HPS4: variants seen among roughly 807,000 people sequenced by gnomAD.
HPS4 encodes the protein HPS4 biogenesis of lysosomal organelles complex 3 subunit 2, also known as BLOC-3 complex member HPS4.
A neutral mutation model predicts 70.3 loss-of-function variants in HPS4; 44 were observed. The ratio of observed to expected loss-of-function variants is 0.63; its 90% CI spans 0.49 to 0.80. The LOEUF is 0.80. Ranked by LOEUF, HPS4 falls within the 30% of genes least tolerant of loss-of-function variation. The pLI, the probability that HPS4 is intolerant of heterozygous loss-of-function variation, is 0.00. For missense variants in HPS4, 873 were observed against 884.4 expected (o/e 0.99, Z 0.16); for synonymous variants, 377 against 355.9 (o/e 1.06, Z -0.67).
chr22:26,445,474 T>C (rs1056124704), intron 3 of HPS4, among the ~76,000 whole-genome samples: 1 of 152,014 alleles, frequency 6.6e-6, no homozygotes, highest in African/African-American at 2.4e-5. Flanking sequence ...ATGGGACTAG[T>C]GGGGTGGGGA....
In HPS4 at chr22:26,453,370, G is replaced by A. The variant is rs1423638651; in HGVS notation, c.1990C>T (p.Pro664Ser). 2 of 1,614,148 alleles carry A rather than the reference G, an allele frequency of 1.2e-6. No individual in the cohort carries two copies. Among genetic ancestry groups the A allele is most frequent in the Non-Finnish European group, 8.5e-7 (1 of 1,180,034 alleles). The change falls in exon 14 of 14, where the codon CCC becomes TCC. Residue 664 changes from proline to serine, a missense_variant. Transcript: ENST00000398145. ...TGCTGGAAATATGTCTCCTGGATGG[G>A]GTTGCAACAGGCGTACACAGCCGTG... ...ASTAVYACCN[P>S]IQETYFQQLA...
In HPS4 at chr22:26,452,514, G is replaced by T; in HGVS notation, c.*719C>A. 1 of 359,376 alleles carries T rather than the reference G, an allele frequency of 2.8e-6. No homozygotes were observed. Among genetic ancestry groups the T allele is most frequent in the South Asian group, 2.1e-5 (1 of 47,142 alleles). The allele number at this position is 359,376 out of a possible 1,614,324, so 22.3% of individuals were successfully genotyped here. A position where few individuals can be genotyped will look rare whatever the true frequency, so the allele number is the denominator to read the frequency against. On this transcript the variant is annotated 3_prime_UTR_variant, in exon 14 of 14. Coordinates refer to ENST00000398145, the MANE Select transcript of HPS4 (RefSeq NM_022081.6). ...CTTGTAGTCAAAGGCAGCGCAGGTTGGTCCTGTTGTCACTGAATTCTCAGG... is the reference window on the plus strand; with the variant it reads ...CTTGTAGTCAAAGGCAGCGCAGGTTTGTCCTGTTGTCACTGAATTCTCAGG...
rs931967654 is a variant in HPS4 at position 26,465,211 on chromosome 22, T to G, written c.803+244A>C. ...AAAAAACTGAGGCTCAGGCAGGGAA[T>G]GGACTTGCCCAAGGTCCCATAGCTG... On this transcript the variant is annotated intron_variant, in intron 10 of 13. Transcript: ENST00000398145. 5.3e-5 allele frequency among the ~76,000 whole-genome samples: 8 copies of G among 152,320 alleles called. No homozygotes were observed. The South Asian group carries it at 1.5e-3, about 28-fold the overall frequency.
In HPS4 at chr22:26,452,987, G is replaced by C. The variant is rs908457988; in HGVS notation, c.*246C>G. The stretch of plus-strand genomic sequence containing the variant: ...GCAGAGAGGGAGCCAAGCCCGTCCC[G>C]GCCCCAACACTACCGATTAAATACA... On this transcript the variant is annotated 3_prime_UTR_variant, in exon 14 of 14. Coordinates refer to ENST00000398145, the MANE Select transcript of HPS4 (RefSeq NM_022081.6). The C allele has an allele frequency of 1.8e-5, 9 of 511,994 alleles. No homozygotes were observed. The highest frequency in any genetic ancestry group is 1.7e-4 in the African/African-American group (9 of 51,922). The allele number at this position is 511,994 out of a possible 1,614,324, so 31.7% of individuals were successfully genotyped here. A position where few individuals can be genotyped will look rare whatever the true frequency, so the allele number is the denominator to read the frequency against.
At chr22:26,448,410 G>A (rs1037250796), downstream of HPS4, among the ~76,000 whole-genome samples, 23 of 152,230 alleles carry the variant, frequency 1.5e-4, no homozygotes, top group Non-Finnish European at 3.1e-4. Context: ...AAGCCCATGT[G>A]CTCCTGCCAC....
rs1011621286 is a variant in HPS4, at chr22:26,481,801, T to G, written c.-39A>C. Reference sequence around the variant, plus strand: ...ATCCTCATTCTCTTCATTTAGGTTTTCTTTTCCGGTATCACTTCTTTCTCC... The same window carrying G: ...ATCCTCATTCTCTTCATTTAGGTTTGCTTTTCCGGTATCACTTCTTTCTCC... On this transcript the variant is annotated 5_prime_UTR_variant, in exon 2 of 14. Coordinates refer to ENST00000398145, the MANE Select transcript of HPS4 (RefSeq NM_022081.6). 1.3e-6 allele frequency: 2 copies of G among 1,598,262 alleles called. No homozygotes were observed. Among genetic ancestry groups the G allele is most frequent in the Non-Finnish European group, 1.7e-6 (2 of 1,165,480 alleles).
rs551412746 is a variant in HPS4 at position 26,477,003 on chromosome 22, T to A, written c.266A>T (p.Asp89Val). Residue 89 changes from aspartate (D) to valine (V), a missense_variant, in exon 4 of 14, where the codon GAT becomes GTT. Asp to Val is a radical substitution (Grantham distance 152, BLOSUM62 -3). Transcript: ENST00000398145. ...KLKFAIKVDGDYLWVLGCAVE... is the reference protein window; with the variant it reads ...KLKFAIKVDGVYLWVLGCAVE... ...TGCCATTCAACTTACCCAAAGGTAA[T>A]CTCCATCAACTTTTATGGCAAACTT... is the stretch of plus-strand genomic sequence containing the variant. 1.8e-4 allele frequency: 285 copies of A among 1,614,138 alleles called. 5 individuals carry two copies. The South Asian group carries it at 3.0e-3, about 17-fold the overall frequency.
downstream of HPS4, among the ~76,000 whole-genome samples, chr22:26,447,253 G>A (rs1048074216): frequency 6.6e-6 from 1 of 152,176 alleles, no homozygotes. Context: ...TATTAGGTGG[G>A]GTGGTGGGGG....
At chr22:26,483,326 AG>A in intron 1 of HPS4, among the ~76,000 whole-genome samples, 1 of 152,352 alleles carries the variant, frequency 6.6e-6, no homozygotes, top group East Asian at 1.9e-4. Context: ...GCCCTGGAGT[AG>A]GAAGAGACGT....
rs752827715 is a variant in HPS4 at position 26,453,392 on chromosome 22, C to CGT, written c.1966_1967dup (p.Ala657ArgfsTer46). 3 of 1,614,006 alleles carry CGT rather than the reference C, an allele frequency of 1.9e-6. No homozygotes were observed. The Admixed American group carries it at 5.0e-5, about 27-fold the overall frequency. ...TGGGGTTGCAACAGGCGTACACAGC[C>CGT]GTGGAGGCATTTCTGTTGGAGGAAG... On this transcript the variant is annotated frameshift_variant, in exon 14 of 14. Transcript: ENST00000398145. LOFTEE classifies it high-confidence loss of function.
At chr22:26,462,297 G>C (rs1429203934) in intron 11 of HPS4, among the ~76,000 whole-genome samples, 1 of 152,174 alleles carries the variant, frequency 6.6e-6, no homozygotes, top group African/African-American at 2.4e-5. Context: ...TGGCCATAGA[G>C]CACGAGCCAC....
In HPS4 at chr22:26,466,272, A is replaced by C. The variant is rs371231240; in HGVS notation, c.670-10T>G. The C allele has an allele frequency of 1.4e-5, 22 of 1,613,978 alleles. 1 individual carries two copies. The highest frequency in any genetic ancestry group is 1.0e-4 in the Admixed American group (6 of 60,008). On this transcript the variant is annotated splice_polypyrimidine_tract_variant and intron_variant, in intron 8 of 13. Coordinates refer to ENST00000398145, the MANE Select transcript of HPS4 (RefSeq NM_022081.6). ...CTCCCGTAGGGAGTCTCTGAAAACA[A>C]ACACACACAGAAGTTGGCGCTGGGC...
intron 11 of HPS4, 67 bp downstream of exon 11, chr22:26,463,850 C>T: frequency 6.6e-7 from 1 of 1,521,570 alleles, no homozygotes; most frequent in Non-Finnish European, 9.1e-7. Context: ...TGGCACAGTG[C>T]TGTGAGGGAA....
intron 3 of HPS4, chr22:26,445,029 G>A (rs2084906592): frequency 1.3e-5 from 2 of 152,130 alleles, no homozygotes; most frequent in Non-Finnish European, 2.9e-5. Flanking sequence ...AAGTGGTGAG[G>A]TCATCTGTTG....
At chr22:26,454,437 C>T (rs1211346545) in intron 13 of HPS4, among the ~76,000 whole-genome samples, 1 of 152,198 alleles carries the variant, frequency 6.6e-6, no homozygotes, top group Non-Finnish European at 1.5e-5. Context: ...TATGTGTCCT[C>T]ATTGGTGTTT....
At chr22:26,455,933 A>G (rs971769634) in intron 13 of HPS4, among the ~76,000 whole-genome samples, 3 of 152,192 alleles carry the variant, frequency 2.0e-5, no homozygotes, top group Non-Finnish European at 4.4e-5. Flanking sequence ...CCCACAAAAC[A>G]GACACACACA....
At position 26,452,082 on chromosome 22, in the gene HPS4, A is replaced by G. The variant is rs1481227294; in HGVS notation, c.*1151T>C. The stretch of plus-strand genomic sequence containing the variant: ...ACCTTTGTCACAAAAAAATGCTGCC[A>G]TTTAATTACTCAGAACTCCAGCATT... On this transcript the variant is annotated 3_prime_UTR_variant, in exon 14 of 14. Transcript: ENST00000398145. The G allele has an allele frequency of 5.9e-6, 2 of 341,274 alleles. No homozygotes were observed. Among genetic ancestry groups the G allele is most frequent in the African/African-American group, 4.3e-5 (2 of 46,418 alleles). 21.1% of individuals were successfully genotyped at this position (341,274 alleles called of 1,614,324 possible). A position where few individuals can be genotyped will look rare whatever the true frequency, so the allele number is the denominator to read the frequency against.
chr22:26,455,726 TATAATA>T (rs753810137), intron 13 of HPS4, among the ~76,000 whole-genome samples: 2 of 151,576 alleles, frequency 1.3e-5, no homozygotes, highest in Non-Finnish European at 1.5e-5. Context: ...CCCTAAAACT[TATAATA>T]ATAATAAAAT....
At chr22:26,458,083 T>TGCCCGGGGCAGAGACAAAG (rs2086499058) in intron 12 of HPS4, 116 bp from the exon 13 acceptor site, 1 of 914,524 alleles carries the variant, frequency 1.1e-6, no homozygotes, top group Non-Finnish European at 1.7e-6. Flanking sequence ...ATGAGTTGGC[T>TGCCCGGGGCAGAGACAAAG]GCCCGGGGCA....
Sources: gnomAD v4.1 joint callset for allele counts (sites outside exome capture counted in the v4.1 genomes callset) on GRCh38, gnomAD v4.1.1 for gene constraint, MANE v1.5 for transcripts, NCBI Gene and HGNC (gene_info 2026-07-23, HGNC 2026-07-21) for gene names.